Variants in ANKRD6 observed in about 807,000 individuals in gnomAD.
ANKRD6 encodes the protein ankyrin repeat domain 6.
Under a neutral mutation model 82.3 loss-of-function variants are expected in ANKRD6, and 56 were observed. The ratio of observed to expected loss-of-function variants is 0.68; its 90% CI spans 0.55 to 0.85. ANKRD6 has a LOEUF of 0.85. Among genes scored for constraint, ANKRD6 ranks in the 40% least tolerant of loss-of-function variants. The probability of loss-of-function intolerance (pLI) is 0.00; values close to 1 mark genes in which losing one functional copy is unlikely to be tolerated. For synonymous variants in ANKRD6, 347 were observed against 352.1 expected, an observed-to-expected ratio of 0.99 and a Z score of 0.16; for missense variants, 852 against 907.6, an observed-to-expected ratio of 0.94 and a Z score of 0.79.
intron 1 of ANKRD6, chr6:89,561,642 G>C (rs983033281): frequency 6.6e-6 from 1 of 152,234 alleles, no homozygotes; most frequent in African/African-American, 2.4e-5. Flanking sequence ...GTGGCCAGAT[G>C]ATGAGTTTCT....
At chr6:89,475,147 T>A (rs1247525872) in intron 1 of ANKRD6, among the ~76,000 whole-genome samples, 1 of 152,234 alleles carries the variant, frequency 6.6e-6, no homozygotes, top group Non-Finnish European at 1.5e-5. Flanking sequence ...TTTGTCTCAC[T>A]TTAAGTTGTC....
chr6:89,548,920 A>G (rs370410968), intron 1 of ANKRD6, among the ~76,000 whole-genome samples: 7 of 152,252 alleles, frequency 4.6e-5, no homozygotes, highest in African/African-American at 1.7e-4. Context: ...AATTTAATTG[A>G]GGCTGGCTGG....
chr6:89,570,305 C>G (rs1412807396), intron 2 of ANKRD6, among the ~76,000 whole-genome samples: 2 of 152,138 alleles, frequency 1.3e-5, no homozygotes, highest in Non-Finnish European at 2.9e-5. Flanking sequence ...AAGTGATCTT[C>G]CCTCCTCAGC....
At chr6:89,479,301 G>A (rs1027800073) in intron 1 of ANKRD6, among the ~76,000 whole-genome samples, 4 of 152,074 alleles carry the variant, frequency 2.6e-5, no homozygotes, top group Non-Finnish European at 5.9e-5. Flanking sequence ...GGATGTTTCC[G>A]GTTATTCATT....
intron 1 of ANKRD6, among the ~76,000 whole-genome samples, chr6:89,511,504 C>G (rs755014427): frequency 6.6e-6 from 1 of 152,210 alleles, no homozygotes; most frequent in Non-Finnish European, 1.5e-5. Flanking sequence ...GTCAGGCACT[C>G]TGAAGCTTGA....
chr6:89,617,940 C>T lies in ANKRD6; in HGVS notation c.715-14C>T. 1.9e-6 allele frequency: 3 copies of T among 1,613,652 alleles called. No individual in the cohort carries two copies. The highest frequency in any genetic ancestry group is 2.5e-6 in the Non-Finnish European group (3 of 1,179,714). ...GTGGCCCTTTCTCACCTGTCCTACTCTGCCTCTCCTCAGGCAGGCCAGACT... is the reference window on the plus strand; with the variant it reads ...GTGGCCCTTTCTCACCTGTCCTACTTTGCCTCTCCTCAGGCAGGCCAGACT... On this transcript the variant is annotated splice_polypyrimidine_tract_variant and intron_variant, in intron 8 of 15. Transcript: ENST00000339746.
At chr6:89,578,419 T>C (rs903071096) in intron 2 of ANKRD6, among the ~76,000 whole-genome samples, 1 of 151,148 alleles carries the variant, frequency 6.6e-6, no homozygotes, top group South Asian at 2.1e-4. Flanking sequence ...CCTCAGCCTC[T>C]TGAGTAGCTG....
intron 1 of ANKRD6, among the ~76,000 whole-genome samples, chr6:89,463,568 A>G (rs1287693736): frequency 6.6e-6 from 1 of 152,186 alleles, no homozygotes; most frequent in Non-Finnish European, 1.5e-5. Context: ...TTTTCAAAGG[A>G]TATATGAAAA....
At chr6:89,470,843 C>T (rs1582779030) in intron 1 of ANKRD6, among the ~76,000 whole-genome samples, 3 of 152,134 alleles carry the variant, frequency 2.0e-5, no homozygotes, top group Admixed American at 2.0e-4. Context: ...GCTGTTAATG[C>T]CCAACTGCCC....
Position 89,633,472 on chromosome 6 carries a change from T to C in ANKRD6, c.*2468T>C, listed in dbSNP as rs150892537. On this transcript the variant is annotated 3_prime_UTR_variant, in exon 16 of 16. Transcript: ENST00000339746. ...AAGAAAAAGAACTATTGACAACTTA[T>C]AGCCTGTCATGCAGGTCATGTTTCA... 1.3e-5 allele frequency: 2 copies of C among 152,360 alleles called. No individual in the cohort carries two copies. The highest frequency in any genetic ancestry group is 2.1e-4 in the South Asian group (1 of 4,830). 9.4% of individuals were successfully genotyped at this position (152,360 alleles called of 1,614,324 possible).
chr6:89,537,459 A>T (rs1783970490), intron 1 of ANKRD6, among the ~76,000 whole-genome samples: 1 of 152,146 alleles, frequency 6.6e-6, no homozygotes, highest in Non-Finnish European at 1.5e-5. Context: ...TTCAATTCAG[A>T]TGCTAAATGA....
chr6:89,584,911 G>A (rs1278241704), intron 2 of ANKRD6, among the ~76,000 whole-genome samples: 22 of 152,134 alleles, frequency 1.4e-4, no homozygotes. Context: ...CTGTGTGGCA[G>A]AGAGAGGGGT....
intron 2 of ANKRD6, among the ~76,000 whole-genome samples, chr6:89,588,405 C>G (rs1794208895): frequency 6.6e-6 from 1 of 152,130 alleles, no homozygotes; most frequent in Non-Finnish European, 1.5e-5. Flanking sequence ...AGGCTTGACT[C>G]AAAAAAGACT....
intron 1 of ANKRD6, among the ~76,000 whole-genome samples, chr6:89,524,297 C>T (rs1345111054): frequency 6.6e-6 from 1 of 152,006 alleles, no homozygotes; most frequent in South Asian, 2.1e-4. Flanking sequence ...TTATCCCTCA[C>T]CCCCCTCCCA....
chr6:89,539,633 G>A (rs993107113), intron 1 of ANKRD6, among the ~76,000 whole-genome samples: 3 of 151,950 alleles, frequency 2.0e-5, no homozygotes, highest in Non-Finnish European at 4.4e-5. Flanking sequence ...TGAAGAATGA[G>A]GTGTCCATCC....
chr6:89,522,132 T>C (rs1287489797), intron 1 of ANKRD6, among the ~76,000 whole-genome samples: 1 of 152,196 alleles, frequency 6.6e-6, no homozygotes, highest in Non-Finnish European at 1.5e-5. Flanking sequence ...GGTCCCATCA[T>C]GGATGAGACT....
intron 1 of ANKRD6, among the ~76,000 whole-genome samples, chr6:89,565,809 A>G (rs1328630409): frequency 6.6e-6 from 1 of 152,198 alleles, no homozygotes. Context: ...TTCCATTTGT[A>G]TGTACTAGTA....
chr6:89,574,598 C>CT (rs1790703277), intron 2 of ANKRD6, among the ~76,000 whole-genome samples: 2 of 152,188 alleles, frequency 1.3e-5, no homozygotes, highest in Admixed American at 6.5e-5. Context: ...ATTTCTTACA[C>CT]TTTGATAGCA....
intron 9 of ANKRD6, among the ~76,000 whole-genome samples, chr6:89,619,377 C>T (rs574995744): frequency 1.3e-5 from 2 of 152,282 alleles, no homozygotes; most frequent in South Asian, 4.1e-4. Flanking sequence ...ATTTAATGGA[C>T]AGCCAGCCCC....
Sources: gnomAD v4.1 joint callset for allele counts (sites outside exome capture counted in the v4.1 genomes callset) on GRCh38, gnomAD v4.1.1 for gene constraint, MANE v1.5 for transcripts, NCBI Gene and HGNC (gene_info 2026-07-23, HGNC 2026-07-21) for gene names.